The following APPBP2 variants were observed in gnomAD, a reference collection of about 807,000 sequenced individuals.
APPBP2 encodes the protein amyloid protein-binding protein 2.
APPBP2 carries 15 observed loss-of-function variants against 76.0 expected under a neutral mutation model. The ratio of observed to expected loss-of-function variants is 0.20; its 90% CI spans 0.13 to 0.30. APPBP2 has a LOEUF of 0.30. APPBP2 is among the 10% of genes least tolerant of loss of function. APPBP2 has a pLI of 1.00. For synonymous variants in APPBP2, 222 were observed against 242.2 expected, an observed-to-expected ratio of 0.92 and a Z score of 0.77; for missense variants, 401 against 687.2, an observed-to-expected ratio of 0.58 and a Z score of 4.66.
intron 3 of APPBP2, among the ~76,000 whole-genome samples, chr17:60,487,850 TTGA>T (rs1800486980): frequency 6.6e-6 from 1 of 152,252 alleles, no homozygotes; most frequent in Non-Finnish European, 1.5e-5. Flanking sequence ...CCTTTGGTCT[TTGA>T]TGATGGTGAC....
At chr17:60,500,518 T>C (rs1289457694) in intron 1 of APPBP2, 31 bp from the exon 2 acceptor site, 4 of 1,532,180 alleles carry the variant, frequency 2.6e-6, no homozygotes, top group Non-Finnish European at 2.7e-6. Flanking sequence ...TTTAAAAATT[T>C]TGCAATTTAA....
At position 60,526,015 on chromosome 17, in the gene APPBP2, C is replaced by A. The variant is rs189936952; in HGVS notation, c.-84G>T. ...TCCGTAGCGAACCCCTCTGCGGCCC[C>A]GGAGGATTCGGAGGGGCGGTGGCAG... is the stretch of plus-strand genomic sequence containing the variant. On this transcript the variant is annotated 5_prime_UTR_variant, in exon 1 of 13. Transcript: ENST00000083182. 4.0e-3 allele frequency: 5,383 copies of A among 1,342,508 alleles called. 14 individuals carry two copies. Among genetic ancestry groups the A allele is most frequent in the Middle Eastern group, 0.011 (47 of 4,350 alleles). The allele number at this position is 1,342,508 out of a possible 1,614,324, so 83.2% of individuals were successfully genotyped here.
intron 2 of APPBP2, among the ~76,000 whole-genome samples, chr17:60,497,745 T>C (rs967691338): frequency 1.3e-5 from 2 of 152,180 alleles, no homozygotes; most frequent in Admixed American, 1.3e-4. Context: ...AAGATTCTTA[T>C]TAGAGATCAG....
At chr17:60,482,655 A>G (rs746836998) in intron 3 of APPBP2, among the ~76,000 whole-genome samples, 1 of 152,072 alleles carries the variant, frequency 6.6e-6, no homozygotes, top group East Asian at 1.9e-4. Context: ...TCATTGTTCA[A>G]TTCCCACCTG....
intron 1 of APPBP2, among the ~76,000 whole-genome samples, chr17:60,517,363 T>C (rs2090971248): frequency 6.6e-6 from 1 of 152,204 alleles, no homozygotes; most frequent in Admixed American, 6.5e-5. Flanking sequence ...CTTCTCCCAC[T>C]CTGTGGCTTG....
At chr17:60,494,974 GTTTTGTTTTGTTTTTT>G (rs2090761887) in intron 2 of APPBP2, among the ~76,000 whole-genome samples, 4 of 140,632 alleles carry the variant, frequency 2.8e-5, no homozygotes, top group African/African-American at 9.9e-5. Context: ...AGTTTTTTTT[GTTTTGTTTTGTTTTTT>G]TTTTTTTTTT....
rs1054465293 is a variant in APPBP2 at position 60,466,364 on chromosome 17, C to T, written c.599G>A (p.Gly200Asp). 1.9e-6 allele frequency: 3 copies of T among 1,613,984 alleles called. No individual in the cohort carries two copies. Among genetic ancestry groups the T allele is most frequent in the Non-Finnish European group, 2.5e-6 (3 of 1,179,998 alleles). The change falls in exon 5 of 13, where the codon GGC becomes GAC. Residue 200 changes from glycine to aspartate, a missense_variant. By Grantham distance (94) the Gly-to-Asp change is moderately conservative. Around this residue, in one of 5 missense-constraint regions of APPBP2, gnomAD observed 64 missense variants for 72.9 expected, o/e 0.88. Coordinates refer to ENST00000083182, the MANE Select transcript of APPBP2 (RefSeq NM_006380.5). ...QTYMDKLSKH[G>D]QQANKAALYG... ...GAGTGCAGCTTTATTTGCTTGCTGG[C>T]CATGTTTTGATAGTTTATCCATATA... is the stretch of plus-strand genomic sequence containing the variant.
intron 4 of APPBP2, among the ~76,000 whole-genome samples, chr17:60,470,989 G>A (rs1189961573): frequency 1.3e-5 from 2 of 151,814 alleles, no homozygotes; most frequent in Non-Finnish European, 1.5e-5. Context: ...TAGAGACAGA[G>A]TTTTATCATG....
At chr17:60,498,833 A>G (rs2090798552) in intron 2 of APPBP2, among the ~76,000 whole-genome samples, 1 of 152,208 alleles carries the variant, frequency 6.6e-6, no homozygotes, top group Non-Finnish European at 1.5e-5. Context: ...TAGTGAAATA[A>G]TACCAGGTAT....
intron 11 of APPBP2, among the ~76,000 whole-genome samples, chr17:60,453,548 G>GTTT (rs1054946504): frequency 1.4e-5 from 2 of 139,792 alleles, no homozygotes; most frequent in African/African-American, 5.4e-5. Flanking sequence ...TTTTTTTTTT[G>GTTT]TTTTTTTTGA....
chr17:60,459,867 C>G (rs1456516048), intron 9 of APPBP2: 1 of 152,164 alleles, frequency 6.6e-6, no homozygotes, highest in Non-Finnish European at 1.5e-5. Flanking sequence ...GTTTCTTAAA[C>G]CAAGGTTACA....
chr17:60,499,456 T>C (rs186464201), intron 2 of APPBP2, among the ~76,000 whole-genome samples: 2 of 152,304 alleles, frequency 1.3e-5, no homozygotes, highest in African/African-American at 4.8e-5. Context: ...CGAGGATCCC[T>C]TGAGCCCAGG....
intron 2 of APPBP2, among the ~76,000 whole-genome samples, chr17:60,498,258 G>C (rs896152569): frequency 2.6e-5 from 4 of 152,152 alleles, no homozygotes; most frequent in Non-Finnish European, 4.4e-5. Context: ...AACTTCCAAA[G>C]TGTTAACTTT....
At chr17:60,506,458 A>G (rs567329382) in intron 1 of APPBP2, among the ~76,000 whole-genome samples, 2 of 152,300 alleles carry the variant, frequency 1.3e-5, no homozygotes, top group Admixed American at 1.3e-4. Flanking sequence ...TTAGTTTATA[A>G]CTCATCCAAA....
At chr17:60,479,655 G>A (rs1353858609) in intron 3 of APPBP2, among the ~76,000 whole-genome samples, 4 of 152,172 alleles carry the variant, frequency 2.6e-5, no homozygotes, top group African/African-American at 7.2e-5. Context: ...TAGTATAGCA[G>A]CACATAACGG....
intron 4 of APPBP2, among the ~76,000 whole-genome samples, chr17:60,475,512 A>C (rs529066894): frequency 5.9e-5 from 9 of 152,110 alleles, no homozygotes; most frequent in Non-Finnish European, 1.3e-4. Context: ...TTGCCCTTCA[A>C]ACTGGTGAGG....
In APPBP2 at chr17:60,526,029, G is replaced by C. The variant is rs963698455; in HGVS notation, c.-98C>G. ...CTCTGCGGCCCCGGAGGATTCGGAG[G>C]GGCGGTGGCAGCCACGCGGGCGCAC... On this transcript the variant is annotated 5_prime_UTR_variant, in exon 1 of 13. Coordinates refer to ENST00000083182, the MANE Select transcript of APPBP2 (RefSeq NM_006380.5). 4 of 1,290,756 alleles carry C rather than the reference G, an allele frequency of 3.1e-6. No homozygotes were observed. Among genetic ancestry groups the C allele is most frequent in the Admixed American group, 2.6e-5 (1 of 38,084 alleles). 80.0% of individuals were successfully genotyped at this position (1,290,756 alleles called of 1,614,324 possible).
chr17:60,485,497 T>C (rs1414087232), intron 3 of APPBP2, among the ~76,000 whole-genome samples: 1 of 152,220 alleles, frequency 6.6e-6, no homozygotes, highest in Non-Finnish European at 1.5e-5. Context: ...CTTAGAGGTA[T>C]TTATAGTATT....
chr17:60,526,045 G>A lies in APPBP2; in HGVS notation c.-114C>T, dbSNP rs2091052396. 11 of 1,088,614 alleles carry A rather than the reference G, an allele frequency of 1.0e-5. No individual in the cohort carries two copies. Among genetic ancestry groups the A allele is most frequent in the South Asian group, 4.8e-5 (3 of 62,514 alleles). 67.4% of individuals were successfully genotyped at this position (1,088,614 alleles called of 1,614,324 possible). On this transcript the variant is annotated 5_prime_UTR_variant, in exon 1 of 13. Coordinates refer to ENST00000083182, the MANE Select transcript of APPBP2 (RefSeq NM_006380.5). The stretch of plus-strand genomic sequence containing the variant: ...GATTCGGAGGGGCGGTGGCAGCCAC[G>A]CGGGCGCACGGCAGAAGGCACGGCC...
Sources: gnomAD v4.1 joint callset for allele counts (sites outside exome capture counted in the v4.1 genomes callset) on GRCh38, gnomAD v4.1.1 for gene constraint, gnomAD v4.1.1 regional missense constraint, MANE v1.5 for transcripts, NCBI Gene and HGNC (gene_info 2026-07-23, HGNC 2026-07-21) for gene names.